Variants in RHOQ observed in about 807,000 individuals in gnomAD.
RHOQ encodes the protein ras homolog family member Q.
In RHOQ, 7 loss-of-function variants were observed where a neutral mutation model predicts 25.8. The ratio of observed to expected loss-of-function variants is 0.27; its 90% CI spans 0.15 to 0.51. The LOEUF is 0.51. Among genes scored for constraint, RHOQ ranks in the 20% least tolerant of loss-of-function variants. The pLI is 0.97. For missense variants in RHOQ, 165 were observed against 260.6 expected (o/e 0.63, Z 2.53); for synonymous variants, 97 against 98.6 (o/e 0.98, Z 0.10).
rs563355214 is a variant in RHOQ, at chr2:46,555,247, A to G, written c.201+11435A>G. Among the ~76,000 whole-genome samples the G allele has an allele frequency of 6.6e-6, 1 of 152,250 alleles. No individual in the cohort carries two copies. The highest frequency in any genetic ancestry group is 2.1e-4 in the South Asian group (1 of 4,828). On this transcript the variant is annotated intron_variant, in intron 2 of 4. Coordinates refer to ENST00000238738, the MANE Select transcript of RHOQ (RefSeq NM_012249.4). The surrounding 1 kb of genome is among the most constrained non-coding windows in gnomAD (Gnocchi z 4.3). ...GGTCGAGTCCCTCCTTAGAATTTCC[A>G]CTAAGTGAATTGTCTCCAGGCTGCA...
intron 2 of RHOQ, among the ~76,000 whole-genome samples, chr2:46,574,384 G>C (rs924476188): frequency 9.3e-5 from 14 of 150,774 alleles, no homozygotes; most frequent in Non-Finnish European, 1.2e-4. Flanking sequence ...ACAGGCAGTA[G>C]AGCCCAGAAA....
rs1668835382 is a variant in RHOQ at position 46,569,231 on chromosome 2, G to A, written c.202-6856G>A. On this transcript the variant is annotated intron_variant, in intron 2 of 4. Transcript: ENST00000238738. This position sits in a 1 kb window ranked among gnomAD's most constrained non-coding sequence, Gnocchi z 4.1. Reference sequence around the variant, plus strand: ...TTATTCTCCCTTCACAGATGGGGAAGTGAAGCTTGCCTGAGGGCTGTATTT... The same window carrying A: ...TTATTCTCCCTTCACAGATGGGGAAATGAAGCTTGCCTGAGGGCTGTATTT... The A allele has an allele frequency of 6.6e-6, 1 of 152,212 alleles. No individual in the cohort carries two copies. The highest frequency in any genetic ancestry group is 2.1e-4 in the South Asian group (1 of 4,830). The allele number at this position is 152,212 out of a possible 1,614,324, so 9.4% of individuals were successfully genotyped here. A position where few individuals can be genotyped will look rare whatever the true frequency, so the allele number is the denominator to read the frequency against.
At chr2:46,580,894 CT>C in intron 4 of RHOQ, 33 bp from the exon 5 acceptor site, 1 of 1,424,760 alleles carries the variant, frequency 7.0e-7, no homozygotes, top group Non-Finnish European at 9.3e-7. Flanking sequence ...TAAACATGAT[CT>C]TATATATTTG....
At chr2:46,550,994 A>ATTCC (rs571583445) in intron 2 of RHOQ, among the ~76,000 whole-genome samples, 273 of 152,236 alleles carry the variant, frequency 1.8e-3, no homozygotes, top group African/African-American at 6.2e-3. Flanking sequence ...GCTTTTTGGA[A>ATTCC]GATCTAGGCT....
intron 2 of RHOQ, among the ~76,000 whole-genome samples, chr2:46,547,841 G>T (rs2103982777): frequency 6.6e-6 from 1 of 152,314 alleles, no homozygotes; most frequent in East Asian, 1.9e-4. Context: ...ATGGGAAGTG[G>T]AAAGAGCTCT....
At chr2:46,574,690 G>A (rs1669049551) in intron 2 of RHOQ, among the ~76,000 whole-genome samples, 1 of 152,176 alleles carries the variant, frequency 6.6e-6, no homozygotes, top group African/African-American at 2.4e-5. Flanking sequence ...TAGATTATAG[G>A]TGTGCCCTTC....
chr2:46,548,666 G>A lies in RHOQ; in HGVS notation c.201+4854G>A, dbSNP rs546033226. The stretch of plus-strand genomic sequence containing the variant: ...ATCCTTGCTCAGCCCGGTGAGCAGA[G>A]CCTGGGAGGAGCCCCAGGGTTCCTT... On this transcript the variant is annotated intron_variant, in intron 2 of 4. Coordinates refer to ENST00000238738, the MANE Select transcript of RHOQ (RefSeq NM_012249.4). The surrounding 1 kb of genome is among the most constrained non-coding windows in gnomAD (Gnocchi z 5.2). Among the ~76,000 whole-genome samples the A allele has an allele frequency of 2.6e-5, 4 of 152,318 alleles. 1 individual carries two copies. The East Asian group carries it at 7.7e-4, about 29-fold the overall frequency.
In RHOQ at chr2:46,583,902, G is replaced by A. The variant is rs999315764; in HGVS notation, c.*2819G>A. 6.6e-6 allele frequency among the ~76,000 whole-genome samples: 1 copy of A among 152,128 alleles called. No individual in the cohort carries two copies. The highest frequency in any genetic ancestry group is 2.4e-5 in the African/African-American group (1 of 41,430). On this transcript the variant is annotated 3_prime_UTR_variant, in exon 5 of 5. Coordinates refer to ENST00000238738, the MANE Select transcript of RHOQ (RefSeq NM_012249.4). ...ATCAGTGTTTGCATATAGAGAATTA[G>A]TTCTAAAGTTCTTAAAAATAAATTT...
At chr2:46,559,413 A>G (rs1668503060) in intron 2 of RHOQ, among the ~76,000 whole-genome samples, 1 of 152,158 alleles carries the variant, frequency 6.6e-6, no homozygotes, top group African/African-American at 2.4e-5. Context: ...GTAGTTCCTC[A>G]AATGTCTATC....
rs1668742148 is a variant in RHOQ, at chr2:46,566,664, T to G, written c.202-9423T>G. 6.6e-6 allele frequency among the ~76,000 whole-genome samples: 1 copy of G among 152,156 alleles called. No individual in the cohort carries two copies. Among genetic ancestry groups the G allele is most frequent in the Non-Finnish European group, 1.5e-5 (1 of 68,030 alleles). On this transcript the variant is annotated intron_variant, in intron 2 of 4. Transcript: ENST00000238738. This position sits in a 1 kb window ranked among gnomAD's most constrained non-coding sequence, Gnocchi z 4.2. ...CCTTTTAATGACTTTCCATTGCAGG[T>G]GGGCCCTGCAGAGGGGTCCAAGCTG...
intron 2 of RHOQ, among the ~76,000 whole-genome samples, chr2:46,550,492 C>T (rs1268489293): frequency 6.6e-6 from 1 of 152,190 alleles, no homozygotes; most frequent in Non-Finnish European, 1.5e-5. Flanking sequence ...TGTCTGTCCC[C>T]CAACACTCTG....
intron 2 of RHOQ, among the ~76,000 whole-genome samples, chr2:46,550,621 C>A (rs1443425700): frequency 6.6e-6 from 1 of 151,922 alleles, no homozygotes; most frequent in Non-Finnish European, 1.5e-5. Flanking sequence ...AACTTCGAAT[C>A]CTAGTTCTAC....
rs1034503413 is a variant in RHOQ at position 46,566,263 on chromosome 2, G to C, written c.202-9824G>C. On this transcript the variant is annotated intron_variant, in intron 2 of 4. Coordinates refer to ENST00000238738, the MANE Select transcript of RHOQ (RefSeq NM_012249.4). The surrounding 1 kb of genome is among the most constrained non-coding windows in gnomAD (Gnocchi z 4.2). ...GATGCTTCTGGTTCAGCTAAAAGGAGGTACATAGTAATAAGCTAGTTCTGG... is the reference window on the plus strand; with the variant it reads ...GATGCTTCTGGTTCAGCTAAAAGGACGTACATAGTAATAAGCTAGTTCTGG... Among the ~76,000 whole-genome samples the C allele has an allele frequency of 6.6e-6, 1 of 152,046 alleles. No individual in the cohort carries two copies. The highest frequency in any genetic ancestry group is 1.5e-5 in the Non-Finnish European group (1 of 68,000).
chr2:46,581,119 C>T lies in RHOQ; in HGVS notation c.*36C>T. 1 of 1,437,214 alleles carries T rather than the reference C, an allele frequency of 7.0e-7. No individual in the cohort carries two copies. Among genetic ancestry groups the T allele is most frequent in the Non-Finnish European group, 9.3e-7 (1 of 1,072,090 alleles). 89.0% of individuals were successfully genotyped at this position (1,437,214 alleles called of 1,614,324 possible). A position where few individuals can be genotyped will look rare whatever the true frequency, so the allele number is the denominator to read the frequency against. On this transcript the variant is annotated 3_prime_UTR_variant, in exon 5 of 5. Coordinates refer to ENST00000238738, the MANE Select transcript of RHOQ (RefSeq NM_012249.4). ...CAGTGGCCAAGGAAACTGTCCATTTCTCTCAGAAAGCAAATGAAATGCTAC... is the reference window on the plus strand; with the variant it reads ...CAGTGGCCAAGGAAACTGTCCATTTTTCTCAGAAAGCAAATGAAATGCTAC...
chr2:46,566,932 C>T lies in RHOQ; in HGVS notation c.202-9155C>T, dbSNP rs1373196514. Reference sequence around the variant, plus strand: ...CTCTTTTCCTTCATAGCACCTGTCCCAATTTGCATTTATAGTCATTTTTGT... The same window carrying T: ...CTCTTTTCCTTCATAGCACCTGTCCTAATTTGCATTTATAGTCATTTTTGT... On this transcript the variant is annotated intron_variant, in intron 2 of 4. Coordinates refer to ENST00000238738, the MANE Select transcript of RHOQ (RefSeq NM_012249.4). This position sits in a 1 kb window ranked among gnomAD's most constrained non-coding sequence, Gnocchi z 4.2. Among the ~76,000 whole-genome samples the T allele has an allele frequency of 6.6e-6, 1 of 152,168 alleles. No individual in the cohort carries two copies. Among genetic ancestry groups the T allele is most frequent in the African/African-American group, 2.4e-5 (1 of 41,422 alleles).
chr2:46,554,791 T>TTC (rs1246917792), intron 2 of RHOQ, among the ~76,000 whole-genome samples: 4 of 148,058 alleles, frequency 2.7e-5, no homozygotes, highest in African/African-American at 9.8e-5. Flanking sequence ...CTTTCTTTCT[T>TTC]TTTTTTTTTT....
At chr2:46,572,113 T>TTTTTTG (rs1321233273) in intron 2 of RHOQ, among the ~76,000 whole-genome samples, 8 of 130,746 alleles carry the variant, frequency 6.1e-5, no homozygotes, top group African/African-American at 2.2e-4. Context: ...GTGTGTTTTT[T>TTTTTTG]TTTTTTTTTT....
At chr2:46,554,931 T>G (rs1668365456) in intron 2 of RHOQ, among the ~76,000 whole-genome samples, 1 of 152,168 alleles carries the variant, frequency 6.6e-6, no homozygotes, top group Non-Finnish European at 1.5e-5. Flanking sequence ...ATTTTGAGCA[T>G]CCAGTTCAAT....
Position 46,542,903 on chromosome 2 carries a change from G to C in RHOQ, c.-144G>C, listed in dbSNP as rs1667870272. 3.7e-6 allele frequency: 1 copy of C among 269,308 alleles called. No individual in the cohort carries two copies. The highest frequency in any genetic ancestry group is 6.6e-5 in the Admixed American group (1 of 15,150). 16.7% of individuals were successfully genotyped at this position (269,308 alleles called of 1,614,324 possible). On this transcript the variant is annotated 5_prime_UTR_variant, in exon 1 of 5. Coordinates refer to ENST00000238738, the MANE Select transcript of RHOQ (RefSeq NM_012249.4). ...GCCGCCCCCTCCCCTCCTGCGAGGG[G>C]AGCCGCTGCATGGGGCCGGGGGGGC...
Sources: allele counts gnomAD v4.1 joint callset (sites outside exome capture counted in the v4.1 genomes callset), GRCh38; gene constraint gnomAD v4.1.1; non-coding constraint Gnocchi (gnomAD v3.1); transcripts MANE v1.5; gene names NCBI Gene and HGNC (gene_info 2026-07-23, HGNC 2026-07-21).